GPC5: variants seen among roughly 807,000 people sequenced by gnomAD.
GPC5 encodes the protein glypican 5.
In GPC5, 47 loss-of-function variants were observed where a neutral mutation model predicts 53.9. The ratio of observed to expected loss-of-function variants is 0.87; its 90% CI spans 0.69 to 1.11. GPC5 has a LOEUF of 1.11. Ranked by LOEUF, GPC5 falls within the 50% of genes most tolerant of loss-of-function variation. The probability of loss-of-function intolerance (pLI) is 0.00; values close to 1 mark genes in which losing one functional copy is unlikely to be tolerated. For synonymous variants in GPC5, 286 were observed against 263.3 expected (o/e 1.09, Z -0.84); for missense variants, 748 against 713.1 (o/e 1.05, Z -0.56).
At chr13:91,841,198 C>T (rs1265366312) in intron 5 of GPC5, among the ~76,000 whole-genome samples, 2 of 151,644 alleles carry the variant, frequency 1.3e-5, no homozygotes, top group African/African-American at 4.8e-5. Flanking sequence ...AGGGTCATCA[C>T]TACATTTCTT....
At chr13:91,841,044 T>C (rs1465194063) in intron 5 of GPC5, among the ~76,000 whole-genome samples, 1 of 135,262 alleles carries the variant, frequency 7.4e-6, no homozygotes, top group African/African-American at 2.8e-5. Flanking sequence ...AAATATATGA[T>C]TTTTTTTTTA....
chr13:91,405,467 G>A (rs1324855357), intron 1 of GPC5, among the ~76,000 whole-genome samples: 2 of 152,126 alleles, frequency 1.3e-5, no homozygotes, highest in Non-Finnish European at 2.9e-5. Context: ...CTGTGTGGTT[G>A]GCTTGTTTGC....
chr13:92,188,192 A>T (rs982153668), intron 7 of GPC5, among the ~76,000 whole-genome samples: 5 of 151,974 alleles, frequency 3.3e-5, no homozygotes, highest in Non-Finnish European at 7.4e-5. Flanking sequence ...CCTGATTTTT[A>T]AAAAAATTCC....
rs1216931930 is a variant in GPC5, at chr13:92,127,761, C to T, written c.1402-17069C>T. 5.3e-5 allele frequency among the ~76,000 whole-genome samples: 8 copies of T among 152,108 alleles called. 1 individual carries two copies. In the East Asian group the frequency reaches 1.5e-3, roughly 29 times the overall value. ...TGAAATGTATAAAGTTTTTATTTAA[C>T]CACGAAGTTTTCTATATTGGCTAAG... On this transcript the variant is annotated intron_variant, in intron 6 of 7. Transcript: ENST00000377067.
intron 6 of GPC5, among the ~76,000 whole-genome samples, chr13:92,050,631 G>A (rs2138837627): frequency 6.6e-6 from 1 of 152,298 alleles, no homozygotes; most frequent in South Asian, 2.1e-4. Flanking sequence ...CATATAATCT[G>A]TAAAGAATAA....
At chr13:92,183,285 A>G (rs1190121989) in intron 7 of GPC5, among the ~76,000 whole-genome samples, 1 of 152,218 alleles carries the variant, frequency 6.6e-6, no homozygotes, top group East Asian at 1.9e-4. Flanking sequence ...ACGAAGTATA[A>G]GCTTTTTCCT....
chr13:92,263,177 G>T (rs538634820), intron 7 of GPC5, among the ~76,000 whole-genome samples: 5 of 152,112 alleles, frequency 3.3e-5, no homozygotes, highest in Admixed American at 3.3e-4. Context: ...TAAATTATTA[G>T]AGAATTATAG....
chr13:91,403,092 C>A (rs548318553), intron 1 of GPC5, among the ~76,000 whole-genome samples: 1 of 152,134 alleles, frequency 6.6e-6, no homozygotes, highest in Non-Finnish European at 1.5e-5. Context: ...TCTGAAATTG[C>A]GACTCTATTT....
intron 4 of GPC5, among the ~76,000 whole-genome samples, chr13:91,742,979 A>G (rs1480266533): frequency 6.6e-6 from 1 of 152,164 alleles, no homozygotes; most frequent in East Asian, 1.9e-4. Flanking sequence ...TTCTGTTTCT[A>G]TGTAGGCGCT....
intron 7 of GPC5, among the ~76,000 whole-genome samples, chr13:92,756,025 C>T: frequency 6.6e-6 from 1 of 151,892 alleles, no homozygotes; most frequent in East Asian, 1.9e-4. Flanking sequence ...GAGACACAAC[C>T]AAAAAAGAGA....
intron 7 of GPC5, among the ~76,000 whole-genome samples, chr13:92,247,198 T>A (rs1594034334): frequency 6.6e-6 from 1 of 152,182 alleles, no homozygotes; most frequent in East Asian, 1.9e-4. Context: ...GAGTTATGAA[T>A]AATGTTAAAT....
At chr13:91,723,869 G>A (rs992001821) in intron 3 of GPC5, among the ~76,000 whole-genome samples, 1 of 152,108 alleles carries the variant, frequency 6.6e-6, no homozygotes, top group Non-Finnish European at 1.5e-5. Context: ...ATGTATCTGG[G>A]ACATTACCTC....
chr13:92,677,644 C>A (rs1451237612), intron 7 of GPC5, among the ~76,000 whole-genome samples: 1 of 152,136 alleles, frequency 6.6e-6, no homozygotes, highest in Non-Finnish European at 1.5e-5. Flanking sequence ...GAGAGGCATC[C>A]CACATGAAGA....
At chr13:91,701,496 A>G (rs1315061160) in intron 3 of GPC5, among the ~76,000 whole-genome samples, 2 of 151,974 alleles carry the variant, frequency 1.3e-5, no homozygotes, top group Admixed American at 6.6e-5. Flanking sequence ...AGATTCGTGC[A>G]TGTTGCTGCA....
intron 7 of GPC5, among the ~76,000 whole-genome samples, chr13:92,212,599 G>A (rs2042383044): frequency 6.6e-6 from 1 of 152,202 alleles, no homozygotes; most frequent in Non-Finnish European, 1.5e-5. Context: ...GTTTGGAGAT[G>A]TGGGGGACCC....
At chr13:91,805,194 T>C (rs1323913596) in intron 5 of GPC5, among the ~76,000 whole-genome samples, 1 of 152,044 alleles carries the variant, frequency 6.6e-6, no homozygotes, top group African/African-American at 2.4e-5. Context: ...CTTTACAAAC[T>C]CCTCCACGGC....
chr13:91,429,616 A>G (rs1178239851), intron 1 of GPC5, among the ~76,000 whole-genome samples: 1 of 152,198 alleles, frequency 6.6e-6, no homozygotes, highest in East Asian at 1.9e-4. Flanking sequence ...AATAGTATAA[A>G]GTTATGGAAG....
intron 4 of GPC5, among the ~76,000 whole-genome samples, chr13:91,745,524 T>G (rs1261827180): frequency 6.6e-6 from 1 of 152,112 alleles, no homozygotes; most frequent in African/African-American, 2.4e-5. Context: ...TAGTTTTGTT[T>G]TGAAATCACA....
At chr13:92,721,898 T>C (rs1476734838) in intron 7 of GPC5, among the ~76,000 whole-genome samples, 1 of 151,988 alleles carries the variant, frequency 6.6e-6, no homozygotes, top group Non-Finnish European at 1.5e-5. Context: ...AAAACTGTCA[T>C]TAAGTTCCAG....
Sources: gnomAD v4.1 joint callset for allele counts (sites outside exome capture counted in the v4.1 genomes callset) on GRCh38, gnomAD v4.1.1 for gene constraint, MANE v1.5 for transcripts, NCBI Gene and HGNC (gene_info 2026-07-23, HGNC 2026-07-21) for gene names.